RXFP1: variants seen among roughly 807,000 people sequenced by gnomAD.
RXFP1 encodes the protein relaxin family peptide receptor 1, also known as relaxin receptor 1.
RXFP1 carries 73 observed loss-of-function variants against 89.8 expected under a neutral mutation model. The observed-to-expected ratio is 0.81, with a 90% confidence interval of 0.67 to 0.99. The LOEUF (loss-of-function observed/expected upper bound fraction) is 0.99. Among genes scored for constraint, RXFP1 ranks in the 50% least tolerant of loss-of-function variants. The pLI is 0.00. For synonymous variants in RXFP1, 277 were observed against 305.5 expected (o/e 0.91, Z 0.97); for missense variants, 793 against 895.5 (o/e 0.89, Z 1.46).
chr4:158,617,127 T>C lies in RXFP1; in HGVS notation c.681-4T>C. 8 of 1,595,778 alleles carry C rather than the reference T, an allele frequency of 5.0e-6. No homozygotes were observed. The highest frequency in any genetic ancestry group is 6.8e-6 in the Non-Finnish European group (8 of 1,169,982). Reference sequence around the variant, plus strand: ...TGTGACTTGTTTGTCTTTTCCTTTTTCAGAGTCCTGATGAATAACGTCCTC... The same window carrying C: ...TGTGACTTGTTTGTCTTTTCCTTTTCCAGAGTCCTGATGAATAACGTCCTC... On this transcript the variant is annotated splice_polypyrimidine_tract_variant and splice_region_variant and intron_variant, in intron 8 of 17. Coordinates refer to ENST00000307765, the MANE Select transcript of RXFP1 (RefSeq NM_021634.4).
chr4:158,595,532 A>G (rs1760380890), intron 3 of RXFP1, among the ~76,000 whole-genome samples: 1 of 152,226 alleles, frequency 6.6e-6, no homozygotes, highest in Admixed American at 6.5e-5. Flanking sequence ...AATATGAAAT[A>G]TTAAAATGTA....
chr4:158,571,733 C>T (rs530544813), intron 1 of RXFP1, among the ~76,000 whole-genome samples: 2 of 103,726 alleles, frequency 1.9e-5, no homozygotes, highest in Non-Finnish European at 4.0e-5. Context: ...TAATAAAAAG[C>T]AGCCCCAAAC....
At chr4:158,527,564 A>AAAAAATATATATATATATAT (rs5741905) in intron 1 of RXFP1, among the ~76,000 whole-genome samples, 78 of 98,320 alleles carry the variant, frequency 7.9e-4, no homozygotes, top group African/African-American at 2.2e-3. Context: ...AAAAAAAAAA[A>AAAAAATATATATATATATAT]ATATATATAT....
intron 2 of RXFP1, 92 bp from the exon 3 acceptor site, chr4:158,593,309 C>T (rs1759896999): frequency 1.6e-6 from 1 of 645,052 alleles, no homozygotes; most frequent in Non-Finnish European, 2.6e-6. Flanking sequence ...GGAGAAACCA[C>T]TGGACTGTTT....
At chr4:158,615,536 C>CAA (rs879387842) in intron 8 of RXFP1, among the ~76,000 whole-genome samples, 1 of 132,240 alleles carries the variant, frequency 7.6e-6, no homozygotes. Flanking sequence ...AACTTTGTCT[C>CAA]AAAAAAAAAA....
chr4:158,562,599 A>C (rs1362983454), intron 1 of RXFP1, among the ~76,000 whole-genome samples: 3 of 150,622 alleles, frequency 2.0e-5, no homozygotes, highest in African/African-American at 4.9e-5. Flanking sequence ...GATCAACAAG[A>C]GTTTCATCTC....
chr4:158,541,556 T>G (rs1189658468), intron 1 of RXFP1, among the ~76,000 whole-genome samples: 2 of 152,166 alleles, frequency 1.3e-5, no homozygotes, highest in Non-Finnish European at 2.9e-5. Flanking sequence ...TAAAAACACT[T>G]TATTTTGAAA....
chr4:158,626,111 T>TATAG (rs71587463), intron 9 of RXFP1, among the ~76,000 whole-genome samples: 6,199 of 136,412 alleles, frequency 0.045, 165 homozygotes, highest in East Asian at 0.1. Flanking sequence ...TAGATATCTA[T>TATAG]ATAGATAGAT....
chr4:158,607,448 T>C (rs1762729608), intron 5 of RXFP1, among the ~76,000 whole-genome samples: 1 of 152,224 alleles, frequency 6.6e-6, no homozygotes, highest in African/African-American at 2.4e-5. Context: ...GTGATTAACA[T>C]AGAATATGGT....
Position 158,644,910 on chromosome 4 carries a change from T to C in RXFP1, c.1117T>C (p.Tyr373His). The C allele has an allele frequency of 1.2e-6, 2 of 1,606,310 alleles. No individual in the cohort carries two copies. The highest frequency in any genetic ancestry group is 1.7e-6 in the Non-Finnish European group (2 of 1,173,302). The part of the protein sequence containing the change: ...FRPLMNLSHI[Y>H]FKKFQYCGYA... ...TTTTACTTTCTCTTTGTACACCAGATATTTTAAGAAATTCCAGTACTGTGG... is the reference window on the plus strand; with the variant it reads ...TTTTACTTTCTCTTTGTACACCAGACATTTTAAGAAATTCCAGTACTGTGG... Residue 373 changes from tyrosine to histidine, a missense_variant and splice_region_variant, in exon 15 of 18, where the codon TAT (tyrosine) becomes CAT (histidine). Tyr to His is a moderately conservative substitution (Grantham distance 83, BLOSUM62 2). Coordinates refer to ENST00000307765, the MANE Select transcript of RXFP1 (RefSeq NM_021634.4).
intron 2 of RXFP1, among the ~76,000 whole-genome samples, chr4:158,578,699 T>A (rs1418429489): frequency 1.3e-5 from 2 of 152,068 alleles, no homozygotes; most frequent in Non-Finnish European, 2.9e-5. Flanking sequence ...AACCCAACCT[T>A]ATCTGAGAGA....
intron 1 of RXFP1, among the ~76,000 whole-genome samples, chr4:158,532,118 T>C (rs1423689952): frequency 1.3e-5 from 2 of 152,104 alleles, no homozygotes; most frequent in Non-Finnish European, 2.9e-5. Flanking sequence ...GTGTCTCTTG[T>C]CCCCATCCTT....
chr4:158,548,268 G>T (rs1749076915), intron 1 of RXFP1, among the ~76,000 whole-genome samples: 1 of 152,122 alleles, frequency 6.6e-6, no homozygotes, highest in Non-Finnish European at 1.5e-5. Context: ...GACTAGGATT[G>T]CAACCCCTGC....
At chr4:158,612,649 C>T (rs1437894913) in intron 8 of RXFP1, among the ~76,000 whole-genome samples, 12 of 147,434 alleles carry the variant, frequency 8.1e-5, no homozygotes, top group African/African-American at 2.5e-4. Context: ...CTCACTGTAT[C>T]GCCCAGGCTG....
chr4:158,640,272 T>TA (rs1770105957), intron 14 of RXFP1, among the ~76,000 whole-genome samples: 1 of 152,218 alleles, frequency 6.6e-6, no homozygotes, highest in South Asian at 2.1e-4. Flanking sequence ...TGTTCACAGA[T>TA]ATTGATGTTT....
chr4:158,612,888 G>A (rs1002920445), intron 8 of RXFP1, among the ~76,000 whole-genome samples: 3 of 152,148 alleles, frequency 2.0e-5, no homozygotes, highest in Non-Finnish European at 4.4e-5. Context: ...GGATTAAGGC[G>A]TGAGCCACCA....
chr4:158,586,642 A>G (rs1339373114), intron 2 of RXFP1, among the ~76,000 whole-genome samples: 1 of 152,188 alleles, frequency 6.6e-6, no homozygotes, highest in Non-Finnish European at 1.5e-5. Flanking sequence ...TAAAATGCTA[A>G]CTCTCCAACT....
At chr4:158,574,075 C>T (rs1007226651) in intron 2 of RXFP1, among the ~76,000 whole-genome samples, 2 of 152,120 alleles carry the variant, frequency 1.3e-5, no homozygotes, top group Non-Finnish European at 2.9e-5. Flanking sequence ...GAATTTTGTT[C>T]AAACTTCTGA....
chr4:158,596,371 C>G (rs1021256389), intron 3 of RXFP1, among the ~76,000 whole-genome samples: 8 of 150,160 alleles, frequency 5.3e-5, no homozygotes, highest in Non-Finnish European at 2.9e-5. Flanking sequence ...TCAAGTGATT[C>G]TTCTGCCTCA....
Sources: allele counts gnomAD v4.1 joint callset (sites outside exome capture counted in the v4.1 genomes callset), GRCh38; gene constraint gnomAD v4.1.1; transcripts MANE v1.5; gene names NCBI Gene and HGNC (gene_info 2026-07-23, HGNC 2026-07-21).